Variants in ANKRD45 observed in about 807,000 individuals in gnomAD.
The protein encoded by ANKRD45 is ankyrin repeat domain-containing protein 45.
ANKRD45 carries 21 observed loss-of-function variants against 28.1 expected under a neutral mutation model. That is an observed-to-expected ratio of 0.75 (90% CI 0.53 to 1.08). ANKRD45 has a LOEUF of 1.08. ANKRD45 is among the 50% of genes least tolerant of loss of function. The pLI, the probability that ANKRD45 is intolerant of heterozygous loss-of-function variation, is 0.00. For synonymous variants in ANKRD45, 86 were observed against 103.9 expected, an observed-to-expected ratio of 0.83 and a Z score of 1.05; for missense variants, 261 against 308.7, an observed-to-expected ratio of 0.85 and a Z score of 1.16.
intron 3 of ANKRD45, among the ~76,000 whole-genome samples, chr1:173,645,047 T>C (rs1558133926): frequency 6.6e-6 from 1 of 151,848 alleles, no homozygotes; most frequent in Non-Finnish European, 1.5e-5. Flanking sequence ...TTACTATTCA[T>C]GGGGGGAATC....
At chr1:173,698,389 T>TCC in the ANKRD45 span, among the ~76,000 whole-genome samples, 1 of 151,878 alleles carries the variant, frequency 6.6e-6, no homozygotes, top group African/African-American at 2.4e-5. Flanking sequence ...CACCACATTG[T>TCC]ACTTATTCCA....
At chr1:173,685,223 T>C in the ANKRD45 span, among the ~76,000 whole-genome samples, 1 of 152,176 alleles carries the variant, frequency 6.6e-6, no homozygotes, top group Non-Finnish European at 1.5e-5. Flanking sequence ...GATAAGCTCT[T>C]GAAAATTCTT....
chr1:173,636,875 C>T (rs1385789732), intron 3 of ANKRD45: 1 of 1,535,752 alleles, frequency 6.5e-7, no homozygotes, highest in Admixed American at 2.0e-5. Flanking sequence ...TCTAGAAAGC[C>T]CATTGATCAA....
At chr1:173,656,102 G>A (rs902888939) in intron 2 of ANKRD45, among the ~76,000 whole-genome samples, 2 of 152,132 alleles carry the variant, frequency 1.3e-5, no homozygotes, top group African/African-American at 2.4e-5. Context: ...CACCCTCCAC[G>A]GGCTGCACCC....
chr1:173,645,284 A>G (rs1362133828), intron 3 of ANKRD45, among the ~76,000 whole-genome samples: 1 of 152,154 alleles, frequency 6.6e-6, no homozygotes, highest in Admixed American at 6.5e-5. Context: ...ATTGATGAAC[A>G]TGCATCTTAC....
At chr1:173,711,353 C>T in the ANKRD45 span, among the ~76,000 whole-genome samples, 14 of 152,146 alleles carry the variant, frequency 9.2e-5, no homozygotes, top group Admixed American at 2.0e-4. Flanking sequence ...TTTAGGGAGA[C>T]ATGAAACATC....
At chr1:173,656,797 G>T (rs1474458753) in intron 2 of ANKRD45, among the ~76,000 whole-genome samples, 1 of 151,950 alleles carries the variant, frequency 6.6e-6, no homozygotes, top group Non-Finnish European at 1.5e-5. Context: ...TGATTATAAA[G>T]AATGCTTCTG....
intron 2 of ANKRD45, among the ~76,000 whole-genome samples, chr1:173,649,241 A>T (rs1669070285): frequency 6.6e-6 from 1 of 152,164 alleles, no homozygotes; most frequent in African/African-American, 2.4e-5. Context: ...ATATATCTAG[A>T]AATGGAAATT....
Position 173,619,510 on chromosome 1 carries a change from CT to C in ANKRD45, c.730+5276del, listed in dbSNP as rs575916823. 5.6e-4 allele frequency among the ~76,000 whole-genome samples: 86 copies of C among 152,236 alleles called. No homozygotes were observed. In the South Asian group the frequency reaches 0.017, roughly 31 times the overall value. On this transcript the variant is annotated intron_variant, in intron 5 of 5. Coordinates refer to ENST00000333279, the MANE Select transcript of ANKRD45 (RefSeq NM_198493.3). ...CAGTCCTAGTTTCTGACAAAACAGACTTTAAACCAACAAAGGTCAAAAAGGA... is the reference window on the plus strand; with the variant it reads ...CAGTCCTAGTTTCTGACAAAACAGACTTAAACCAACAAAGGTCAAAAAGGA...
chr1:173,672,047 T>C (rs1301510451), upstream of ANKRD45, among the ~76,000 whole-genome samples: 1 of 152,182 alleles, frequency 6.6e-6, no homozygotes, highest in Admixed American at 6.5e-5. Flanking sequence ...GGTCTCTTCT[T>C]CTGCCTAATG....
chr1:173,609,882 C>A lies in ANKRD45; in HGVS notation c.*263G>T. 2.5e-6 allele frequency: 1 copy of A among 398,016 alleles called. No homozygotes were observed. Among genetic ancestry groups the A allele is most frequent in the East Asian group, 4.1e-5 (1 of 24,418 alleles). 24.7% of individuals were successfully genotyped at this position (398,016 alleles called of 1,614,324 possible). A position where few individuals can be genotyped will look rare whatever the true frequency, so the allele number is the denominator to read the frequency against. ...TTCTCTGAGTAGTTCTTAAAGCCTC[C>A]ACATGGTCTTCACGAATGATTTATA... On this transcript the variant is annotated 3_prime_UTR_variant, in exon 6 of 6. Coordinates refer to ENST00000333279, the MANE Select transcript of ANKRD45 (RefSeq NM_198493.3).
At chr1:173,617,614 G>C (rs898523101) in intron 5 of ANKRD45, among the ~76,000 whole-genome samples, 12 of 152,358 alleles carry the variant, frequency 7.9e-5, no homozygotes, top group African/African-American at 2.9e-4. Flanking sequence ...GGGTTATACA[G>C]ACATAACTCT....
At chr1:173,610,314 T>C (rs1338688746) in intron 5 of ANKRD45, 99 bp from the exon 6 acceptor site, 6 of 1,150,858 alleles carry the variant, frequency 5.2e-6, no homozygotes. Flanking sequence ...TAAATTAGAT[T>C]GTCCCAGGCT....
rs1359715557 is a variant in ANKRD45, at chr1:173,610,167, C to T, written c.779G>A (p.Ser260Asn). Residue 260 changes from serine (S) to asparagine (N), a missense_variant, in exon 6 of 6, where the codon AGT (serine) becomes AAT (asparagine). Physicochemically the swap from Ser to Asn is conservative, Grantham distance 46. Transcript: ENST00000333279. ...KSVTSHDQKR[S>N]QDDTSN ...TGTTCAGTTGGAGGTATCATCTTGA[C>T]TTCTCTTCTGGTCATGGCTTGTTAC... 7 of 1,614,066 alleles carry T rather than the reference C, an allele frequency of 4.3e-6. No individual in the cohort carries two copies. The highest frequency in any genetic ancestry group is 5.1e-6 in the Non-Finnish European group (6 of 1,180,008).
At chr1:173,636,734 T>G in intron 3 of ANKRD45, 1 of 899,328 alleles carries the variant, frequency 1.1e-6, no homozygotes, top group East Asian at 2.7e-5. Flanking sequence ...ATTTAGAACA[T>G]AAATTTAATT....
intron 3 of ANKRD45, among the ~76,000 whole-genome samples, chr1:173,631,966 A>C (rs1668215392): frequency 6.6e-6 from 1 of 152,010 alleles, no homozygotes; most frequent in Non-Finnish European, 1.5e-5. Context: ...ACCCAAAATT[A>C]GTAGAAGAAA....
chr1:173,628,010 T>C (rs1668013025), intron 3 of ANKRD45, among the ~76,000 whole-genome samples: 1 of 151,334 alleles, frequency 6.6e-6, no homozygotes, highest in Admixed American at 6.6e-5. Context: ...GTGGTATTTC[T>C]AGACACATCC....
chr1:173,678,100 G>A, the ANKRD45 span, among the ~76,000 whole-genome samples: 1 of 152,052 alleles, frequency 6.6e-6, no homozygotes, highest in Non-Finnish European at 1.5e-5. Flanking sequence ...ACCAAAAAAA[G>A]TCCAGGACAA....
chr1:173,687,453 T>TCCCC, the ANKRD45 span, among the ~76,000 whole-genome samples: 2 of 99,336 alleles, frequency 2.0e-5, no homozygotes, highest in African/African-American at 1.1e-4. Flanking sequence ...ATATAAATTC[T>TCCCC]ACCCCCCCCC....
Sources: allele counts gnomAD v4.1 joint callset (sites outside exome capture counted in the v4.1 genomes callset), GRCh38; gene constraint gnomAD v4.1.1; transcripts MANE v1.5; gene names NCBI Gene and HGNC (gene_info 2026-07-23, HGNC 2026-07-21).